NSD1: variants seen among roughly 807,000 people sequenced by gnomAD.
The protein encoded by NSD1 is nuclear receptor binding SET domain protein 1.
NSD1 carries 26 observed loss-of-function variants against 242.7 expected under a neutral mutation model. That is an observed-to-expected ratio of 0.11 (90% CI 0.08 to 0.15). NSD1 has a LOEUF of 0.15. NSD1 is among the 10% of genes least tolerant of loss of function. NSD1 has a pLI of 1.00. For missense variants in NSD1, 2,495 were observed against 3,272.8 expected, an observed-to-expected ratio of 0.76 and a Z score of 5.80; for synonymous variants, 1,106 against 1,178.1, an observed-to-expected ratio of 0.94 and a Z score of 1.25.
intron 2 of NSD1, among the ~76,000 whole-genome samples, chr5:177,153,693 A>T (rs1046788919): frequency 6.6e-6 from 1 of 152,096 alleles, no homozygotes; most frequent in South Asian, 2.1e-4. Context: ...TATTGATTCA[A>T]AGCTTATTGT....
At chr5:177,234,903 A>G (rs1765325459) in intron 5 of NSD1, among the ~76,000 whole-genome samples, 1 of 152,182 alleles carries the variant, frequency 6.6e-6, no homozygotes, top group Admixed American at 6.6e-5. Context: ...AACAGTATAC[A>G]GTAACCTTTT....
In NSD1 at chr5:177,294,351, A is replaced by G; in HGVS notation, c.6983A>G (p.Gln2328Arg). 6.2e-7 allele frequency: 1 copy of G among 1,614,226 alleles called. No individual in the cohort carries two copies. Among genetic ancestry groups the G allele is most frequent in the Non-Finnish European group, 8.5e-7 (1 of 1,180,038 alleles). Residue 2328 changes from glutamine (Q) to arginine (R), a missense_variant, in exon 23 of 23, where the codon CAG becomes CGG. This residue lies in a region of NSD1 where 475 missense variants were observed against 563.7 expected (regional missense o/e 0.84). Coordinates refer to ENST00000439151, the MANE Select transcript of NSD1 (RefSeq NM_022455.5). ...CCAGCAGTGGCAGGACCAAGACCCC[A>G]GCTAAGCGACAAACCCTCTCCAGTG... Reference protein sequence around the residue: ...RPPAVAGPRPQLSDKPSPVTS... With the variant: ...RPPAVAGPRPRLSDKPSPVTS...
Position 177,163,332 on chromosome 5 carries a change from G to A in NSD1, c.927+27302G>A, listed in dbSNP as rs200094298. Reference sequence around the variant, plus strand: ...TAATTTTTGTATTTTTAGTAGAGACGGGGTTTCACTATGTTGGCCAGGCTG... The same window carrying A: ...TAATTTTTGTATTTTTAGTAGAGACAGGGTTTCACTATGTTGGCCAGGCTG... On this transcript the variant is annotated intron_variant, in intron 2 of 22. Coordinates refer to ENST00000439151, the MANE Select transcript of NSD1 (RefSeq NM_022455.5). Among the ~76,000 whole-genome samples, 20 of 151,910 alleles carry A rather than the reference G, an allele frequency of 1.3e-4. No individual in the cohort carries two copies. In the East Asian group the frequency reaches 3.5e-3, roughly 27 times the overall value.
At chr5:177,290,261 GA>G (rs1407325733) in intron 21 of NSD1, among the ~76,000 whole-genome samples, 1 of 150,214 alleles carries the variant, frequency 6.7e-6, no homozygotes, top group Non-Finnish European at 1.5e-5. Context: ...ACAGCACAGT[GA>G]AAATTGCAGT....
intron 9 of NSD1, among the ~76,000 whole-genome samples, chr5:177,245,093 G>A (rs1766174161): frequency 6.6e-6 from 1 of 152,200 alleles, no homozygotes; most frequent in South Asian, 2.1e-4. Flanking sequence ...GTGTATTTCT[G>A]TAGTCACAGC....
In NSD1 at chr5:177,207,593, A is replaced by ATTTTTTTTT. The variant is rs150492535; in HGVS notation, c.1237-2022_1237-2014dup. On this transcript the variant is annotated intron_variant, in intron 4 of 22. Coordinates refer to ENST00000439151, the MANE Select transcript of NSD1 (RefSeq NM_022455.5). ...CACCGTGCCTGGCCTATTTATTTAA[A>ATTTTTTTTT]TTTTTTTTTTTTTTTTTTTTTTTTT... Among the ~76,000 whole-genome samples the ATTTTTTTTT allele has an allele frequency of 3.2e-3, 250 of 78,202 alleles. 26 individuals are homozygous for ATTTTTTTTT. Among genetic ancestry groups the ATTTTTTTTT allele is most frequent in the African/African-American group, 0.017 (234 of 14,166 alleles). 51.3% of individuals were successfully genotyped at this position (78,202 alleles called of 152,430 possible).
At chr5:177,182,731 G>A (rs546254037) in intron 2 of NSD1, among the ~76,000 whole-genome samples, 8 of 152,006 alleles carry the variant, frequency 5.3e-5, no homozygotes, top group East Asian at 1.9e-4. Flanking sequence ...TCCATCTCCC[G>A]GGTTCGAGTG....
chr5:177,183,500 C>T (rs1760861245), intron 2 of NSD1, among the ~76,000 whole-genome samples: 1 of 151,942 alleles, frequency 6.6e-6, no homozygotes, highest in Non-Finnish European at 1.5e-5. Context: ...ATTTTATTTT[C>T]AATGTTTGTG....
intron 12 of NSD1, among the ~76,000 whole-genome samples, chr5:177,255,848 T>C (rs1756406758): frequency 6.6e-6 from 1 of 152,184 alleles, no homozygotes; most frequent in African/African-American, 2.4e-5. Flanking sequence ...GCCTCCCAAG[T>C]GCTGAGTACA....
At chr5:177,252,813 T>C (rs1167987466) in intron 12 of NSD1, among the ~76,000 whole-genome samples, 2 of 150,866 alleles carry the variant, frequency 1.3e-5, no homozygotes, top group Non-Finnish European at 3.0e-5. Context: ...TTTTTTTTTT[T>C]CTTAGCATGA....
Position 177,284,001 on chromosome 5 carries a change from C to T in NSD1, c.6151+73C>T, listed in dbSNP as rs1759101639. 1.9e-6 allele frequency: 3 copies of T among 1,546,258 alleles called. No homozygotes were observed. The Admixed American group carries it at 5.0e-5, about 26-fold the overall frequency. On this transcript the variant is annotated intron_variant, in intron 20 of 22. Transcript: ENST00000439151. ...TTTTGTTTTTTACAAACAGCTTCCT[C>T]AGATTATAATTTTAAACATTTCTAT...
intron 5 of NSD1, among the ~76,000 whole-genome samples, chr5:177,216,272 C>T (rs192171830): frequency 4.6e-5 from 7 of 152,134 alleles, no homozygotes; most frequent in Admixed American, 1.3e-4. Context: ...GTATTTTCTC[C>T]CATTTTGTAC....
chr5:177,295,840 C>T lies in NSD1; in HGVS notation c.*381C>T, dbSNP rs990964581. On this transcript the variant is annotated 3_prime_UTR_variant, in exon 23 of 23. Transcript: ENST00000439151. This position sits in a 1 kb window ranked among gnomAD's most constrained non-coding sequence, Gnocchi z 4.3. ...CGATTTCCCCAACCAGACAGAGCCC[C>T]ATTGAGGGCACCTAGGAACCCTTGG... 7.9e-5 allele frequency: 33 copies of T among 418,470 alleles called. No individual in the cohort carries two copies. Among genetic ancestry groups the T allele is most frequent in the African/African-American group, 6.1e-4 (31 of 50,796 alleles). The allele number at this position is 418,470 out of a possible 1,614,324, so 25.9% of individuals were successfully genotyped here.
chr5:177,197,210 C>G (rs1762166653), intron 3 of NSD1, among the ~76,000 whole-genome samples: 1 of 151,226 alleles, frequency 6.6e-6, no homozygotes, highest in African/African-American at 2.4e-5. Flanking sequence ...GTGGAAGTTG[C>G]AATGAGCCGA....
chr5:177,229,395 G>A (rs1158115962), intron 5 of NSD1, among the ~76,000 whole-genome samples: 1 of 152,190 alleles, frequency 6.6e-6, no homozygotes, highest in African/African-American at 2.4e-5. Context: ...TAGGGGTAGT[G>A]TGATTTGGCT....
rs1053499393 is a variant in NSD1 at position 177,134,693 on chromosome 5, G to A, written c.-17-394G>A. ...GTACCTTTTTGTGCAGGGTCCAGGA[G>A]CCCCCCTCGGACCCCGCAGCCTTTT... On this transcript the variant is annotated intron_variant, in intron 1 of 22. Coordinates refer to ENST00000439151, the MANE Select transcript of NSD1 (RefSeq NM_022455.5). The surrounding 1 kb of genome is among the most constrained non-coding windows in gnomAD (Gnocchi z 4.2). Among the ~76,000 whole-genome samples, 4 of 152,208 alleles carry A rather than the reference G, an allele frequency of 2.6e-5. No homozygotes were observed. Among genetic ancestry groups the A allele is most frequent in the Non-Finnish European group, 4.4e-5 (3 of 68,030 alleles).
Position 177,296,429 on chromosome 5 carries a change from A to G in NSD1, c.*970A>G. 4.3e-6 allele frequency: 1 copy of G among 233,302 alleles called. No individual in the cohort carries two copies. The highest frequency in any genetic ancestry group is 2.2e-5 in the African/African-American group (1 of 45,444). The allele number at this position is 233,302 out of a possible 1,614,324, so 14.5% of individuals were successfully genotyped here. ...CCCTAAAACACTCAGGTGCTTTCAG[A>G]TTTCAGAGCCTCGGGCAGTGGACAT... On this transcript the variant is annotated 3_prime_UTR_variant, in exon 23 of 23. Transcript: ENST00000439151.
chr5:177,156,852 G>A (rs949222880), intron 2 of NSD1, among the ~76,000 whole-genome samples: 2 of 151,998 alleles, frequency 1.3e-5, no homozygotes, highest in Non-Finnish European at 2.9e-5. Flanking sequence ...GGCCAACATG[G>A]TGGAACCCCG....
chr5:177,207,268 TTTTTAATTTATTTA>T (rs1397943912), intron 4 of NSD1, among the ~76,000 whole-genome samples: 1 of 151,494 alleles, frequency 6.6e-6, no homozygotes, highest in Non-Finnish European at 1.5e-5. Flanking sequence ...AATTATTTAT[TTTTTAATTTATTTA>T]TTTTTATTTA....
Sources: gnomAD v4.1 joint callset for allele counts (sites outside exome capture counted in the v4.1 genomes callset) on GRCh38, gnomAD v4.1.1 for gene constraint, gnomAD v4.1.1 regional missense constraint, Gnocchi (gnomAD v3.1) non-coding constraint, MANE v1.5 for transcripts, NCBI Gene and HGNC (gene_info 2026-07-23, HGNC 2026-07-21) for gene names.